Variants in DOCK4 observed in about 807,000 individuals in gnomAD.
The protein encoded by DOCK4 is dedicator of cytokinesis protein 4.
Under a neutral mutation model 268.1 loss-of-function variants are expected in DOCK4, and 97 were observed. The observed-to-expected ratio is 0.36, with a 90% CI of 0.31 to 0.43. The LOEUF is 0.43. DOCK4 is among the 20% of genes least tolerant of loss of function. The pLI is 1.00. For missense variants in DOCK4, 2,145 were observed against 2,455.7 expected (o/e 0.87, Z 2.67); for synonymous variants, 954 against 887.2 (o/e 1.08, Z -1.34).
chr7:112,194,995 G>T (rs1820289974), intron 1 of DOCK4, among the ~76,000 whole-genome samples: 1 of 152,112 alleles, frequency 6.6e-6, no homozygotes, highest in African/African-American at 2.4e-5. Context: ...AAACAAACTG[G>T]AGGCTGGGCG....
At chr7:111,915,286 C>G (rs1358853387) in intron 13 of DOCK4, among the ~76,000 whole-genome samples, 9 of 152,168 alleles carry the variant, frequency 5.9e-5, no homozygotes, top group African/African-American at 2.2e-4. Flanking sequence ...AAATCATACA[C>G]ACAAATAGAT....
intron 35 of DOCK4, among the ~76,000 whole-genome samples, chr7:111,778,995 C>A (rs1798623082): frequency 6.6e-6 from 1 of 151,766 alleles, no homozygotes; most frequent in African/African-American, 2.4e-5. Flanking sequence ...GTGGAGGCTG[C>A]AGTGAGCCAA....
At chr7:111,887,353 C>T (rs1317936291) in intron 16 of DOCK4, among the ~76,000 whole-genome samples, 1 of 152,134 alleles carries the variant, frequency 6.6e-6, no homozygotes, top group African/African-American at 2.4e-5. Flanking sequence ...AACAGCATAG[C>T]TTACCTGCCC....
intron 8 of DOCK4, among the ~76,000 whole-genome samples, chr7:111,958,486 GA>G (rs1796610826): frequency 6.6e-6 from 1 of 152,112 alleles, no homozygotes; most frequent in African/African-American, 2.4e-5. Context: ...GAGATGACCC[GA>G]ATCCTAGTGA....
intron 1 of DOCK4, among the ~76,000 whole-genome samples, chr7:112,157,564 G>GA (rs1816736279): frequency 6.6e-6 from 1 of 152,142 alleles, no homozygotes; most frequent in African/African-American, 2.4e-5. Flanking sequence ...ATAATGTAAG[G>GA]AAAACTCTCA....
intron 23 of DOCK4, among the ~76,000 whole-genome samples, chr7:111,850,405 C>T (rs549812360): frequency 1.3e-5 from 2 of 152,168 alleles, no homozygotes; most frequent in South Asian, 4.2e-4. Flanking sequence ...AGAAATTCAG[C>T]CCAATCTTTC....
At chr7:112,104,844 T>C (rs1381666181) in intron 1 of DOCK4, among the ~76,000 whole-genome samples, 2 of 151,960 alleles carry the variant, frequency 1.3e-5, no homozygotes, top group Non-Finnish European at 2.9e-5. Context: ...GGTGGAAAAA[T>C]ATAAGGTAGT....
At chr7:112,032,210 C>G (rs1307818762) in intron 1 of DOCK4, among the ~76,000 whole-genome samples, 1 of 152,170 alleles carries the variant, frequency 6.6e-6, no homozygotes, top group Non-Finnish European at 1.5e-5. Flanking sequence ...CCAACCTCAA[C>G]TGCGTTAACA....
intron 12 of DOCK4, chr7:111,935,264 TAAC>T: frequency 7.1e-6 from 3 of 422,152 alleles, no homozygotes; most frequent in South Asian, 2.1e-5. Context: ...TAGTTTTCAA[TAAC>T]AACTTAGGAG....
intron 1 of DOCK4, among the ~76,000 whole-genome samples, chr7:112,118,568 C>T (rs546871630): frequency 6.6e-6 from 1 of 152,238 alleles, no homozygotes; most frequent in African/African-American, 2.4e-5. Flanking sequence ...AAAAGCCTTC[C>T]TTCTGTACCT....
At chr7:112,110,034 G>T (rs186860844) in intron 1 of DOCK4, among the ~76,000 whole-genome samples, 4 of 152,096 alleles carry the variant, frequency 2.6e-5, no homozygotes, top group African/African-American at 9.6e-5. Flanking sequence ...GTGAGCCACC[G>T]CGCCCGGCCG....
chr7:112,055,099 T>C (rs1051279447), intron 1 of DOCK4, among the ~76,000 whole-genome samples: 1 of 152,172 alleles, frequency 6.6e-6, no homozygotes, highest in Admixed American at 6.5e-5. Flanking sequence ...AAACAATATA[T>C]AATGAAACCA....
chr7:111,971,719 C>T, intron 8 of DOCK4: 1 of 313,562 alleles, frequency 3.2e-6, no homozygotes, highest in Non-Finnish European at 5.4e-6. Context: ...TGTGGGCCAG[C>T]TTATGCAGCT....
intron 20 of DOCK4, 96 bp from the exon 21 acceptor site, chr7:111,869,751 T>A: frequency 1.0e-6 from 1 of 992,920 alleles, no homozygotes; most frequent in South Asian, 1.4e-5. Context: ...TGAGGAGGTT[T>A]CTTTTCCCAT....
chr7:111,810,022 C>A lies in DOCK4; in HGVS notation c.3007-621G>T, dbSNP rs867718337. Reference sequence around the variant, plus strand: ...AAAAGGACATAATGGAAGGAACACACTTCTCCACTGACACCATGTAAAATT... The same window carrying A: ...AAAAGGACATAATGGAAGGAACACAATTCTCCACTGACACCATGTAAAATT... On this transcript the variant is annotated intron_variant, in intron 28 of 52. Coordinates refer to ENST00000428084, the MANE Select transcript of DOCK4 (RefSeq NM_001363540.2). 6.0e-5 allele frequency among the ~76,000 whole-genome samples: 9 copies of A among 150,170 alleles called. No homozygotes were observed. The South Asian group carries it at 6.3e-4, about 10-fold the overall frequency.
In DOCK4 at chr7:112,163,701, C is replaced by A. The variant is rs111944295; in HGVS notation, c.37+42401G>T. Among the ~76,000 whole-genome samples, 46 of 152,128 alleles carry A rather than the reference C, an allele frequency of 3.0e-4. 1 individual carries two copies. Among genetic ancestry groups the A allele is most frequent in the African/African-American group, 9.9e-4 (41 of 41,508 alleles). On this transcript the variant is annotated intron_variant, in intron 1 of 52. Coordinates refer to ENST00000428084, the MANE Select transcript of DOCK4 (RefSeq NM_001363540.2). ...TAATAAATCAATGAAATAATTATTACCCCATTTTACAAATGAAGAAACTAA... is the reference window on the plus strand; with the variant it reads ...TAATAAATCAATGAAATAATTATTAACCCATTTTACAAATGAAGAAACTAA...
At chr7:111,995,039 T>TTG (rs1799819973) in intron 4 of DOCK4, among the ~76,000 whole-genome samples, 1 of 120,562 alleles carries the variant, frequency 8.3e-6, no homozygotes, top group African/African-American at 3.2e-5. Context: ...GTTTTGTGTT[T>TTG]TTTTTTTTTG....
intron 1 of DOCK4, among the ~76,000 whole-genome samples, chr7:112,099,561 A>T (rs1338307398): frequency 6.6e-6 from 1 of 152,240 alleles, no homozygotes; most frequent in Non-Finnish European, 1.5e-5. Context: ...TTCTGCTGAC[A>T]ACTCAGCAAC....
intron 1 of DOCK4, among the ~76,000 whole-genome samples, chr7:112,148,730 C>T (rs1481386847): frequency 2.0e-5 from 3 of 152,084 alleles, no homozygotes; most frequent in African/African-American, 7.2e-5. Context: ...AGAATTCTAG[C>T]GATGGGCTTT....
Sources: gnomAD v4.1 joint callset for allele counts (sites outside exome capture counted in the v4.1 genomes callset) on GRCh38, gnomAD v4.1.1 for gene constraint, MANE v1.5 for transcripts, NCBI Gene and HGNC (gene_info 2026-07-23, HGNC 2026-07-21) for gene names.